Variants in LRP1B observed in about 807,000 individuals in gnomAD.
LRP1B encodes the protein LDL receptor related protein 1B, also known as low-density lipoprotein receptor-related protein 1B.
In LRP1B, 217 loss-of-function variants were observed where a neutral mutation model predicts 556.6. The ratio of observed to expected loss-of-function variants is 0.39; its 90% CI spans 0.35 to 0.44. The LOEUF (loss-of-function observed/expected upper bound fraction) is 0.44, where lower values mean the gene tolerates loss of function less well. Among genes scored for constraint, LRP1B ranks in the 20% least tolerant of loss-of-function variants. The pLI, the probability that LRP1B is intolerant of heterozygous loss-of-function variation, is 1.00. For synonymous variants in LRP1B, 2,047 were observed against 1,865.8 expected, an observed-to-expected ratio of 1.10 and a Z score of -2.50; for missense variants, 5,053 against 5,620.8, an observed-to-expected ratio of 0.90 and a Z score of 3.23.
At chr2:141,487,505 C>T (rs540438494) in intron 2 of LRP1B, among the ~76,000 whole-genome samples, 2 of 152,150 alleles carry the variant, frequency 1.3e-5, no homozygotes, top group Non-Finnish European at 2.9e-5. Flanking sequence ...CGAATACTCT[C>T]AAAATTATAA....
At chr2:141,060,694 A>G (rs1699310175) in intron 8 of LRP1B, among the ~76,000 whole-genome samples, 1 of 151,682 alleles carries the variant, frequency 6.6e-6, no homozygotes, top group Non-Finnish European at 1.5e-5. Flanking sequence ...TCACCCAGTA[A>G]AGATAAAATT....
At chr2:141,048,001 C>T (rs1405730677) in intron 11 of LRP1B, among the ~76,000 whole-genome samples, 33 of 151,844 alleles carry the variant, frequency 2.2e-4, no homozygotes, top group Admixed American at 2.2e-3. Context: ...CAGCTTTGAA[C>T]TTATTAATTA....
intron 67 of LRP1B, among the ~76,000 whole-genome samples, chr2:140,381,464 G>A (rs1421441969): frequency 6.6e-6 from 1 of 152,102 alleles, no homozygotes; most frequent in East Asian, 1.9e-4. Flanking sequence ...AATTAACCAG[G>A]TTTTCCATAA....
intron 2 of LRP1B, among the ~76,000 whole-genome samples, chr2:141,578,543 C>A (rs1008535440): frequency 3.3e-5 from 5 of 152,046 alleles, no homozygotes; most frequent in African/African-American, 1.2e-4. Context: ...TACCCAAAGG[C>A]CTAGTCATTG....
chr2:141,901,833 A>T (rs1262926830), intron 1 of LRP1B, among the ~76,000 whole-genome samples: 1 of 151,916 alleles, frequency 6.6e-6, no homozygotes, highest in Non-Finnish European at 1.5e-5. Context: ...GCAACATAAT[A>T]ATTAATCATA....
intron 35 of LRP1B, among the ~76,000 whole-genome samples, chr2:140,760,589 T>C (rs1337818881): frequency 6.6e-6 from 1 of 152,168 alleles, no homozygotes; most frequent in African/African-American, 2.4e-5. Flanking sequence ...GTTGTTGCTG[T>C]GAAACACCCA....
At chr2:141,401,855 G>A (rs114501902) in intron 3 of LRP1B, among the ~76,000 whole-genome samples, 2,381 of 152,160 alleles carry the variant, frequency 0.016, 66 homozygotes, top group African/African-American at 0.054. Context: ...TCTATGCTTT[G>A]CTGGAAAATT....
chr2:141,086,618 TTGTGTGTGTG>T (rs10608029), intron 7 of LRP1B, among the ~76,000 whole-genome samples: 5,037 of 148,106 alleles, frequency 0.034, 130 homozygotes, highest in Admixed American at 0.069. Flanking sequence ...AGTATAATAT[TTGTGTGTGTG>T]TGTGTGTGTG....
chr2:140,519,535 C>T (rs951829449), intron 49 of LRP1B, among the ~76,000 whole-genome samples: 2 of 152,120 alleles, frequency 1.3e-5, no homozygotes, highest in Admixed American at 1.3e-4. Flanking sequence ...CAATACCATT[C>T]AGGACATAGG....
chr2:141,598,363 A>T (rs561490770), intron 2 of LRP1B, among the ~76,000 whole-genome samples: 1 of 152,254 alleles, frequency 6.6e-6, no homozygotes, highest in Non-Finnish European at 1.5e-5. Context: ...AAATAAAATG[A>T]CATTAATTTT....
intron 1 of LRP1B, among the ~76,000 whole-genome samples, chr2:142,067,159 AT>A (rs1308553374): frequency 2.0e-5 from 3 of 151,422 alleles, no homozygotes; most frequent in Admixed American, 6.6e-5. Context: ...TTTAAAGGAC[AT>A]TTTTTATTAT....
intron 87 of LRP1B, among the ~76,000 whole-genome samples, chr2:140,245,682 G>A (rs146849276): frequency 2.0e-3 from 300 of 151,324 alleles, no homozygotes; most frequent in African/African-American, 6.9e-3. Flanking sequence ...AGTTATTACT[G>A]GTAGCATTAG....
chr2:140,784,346 G>A (rs568122778), intron 32 of LRP1B, among the ~76,000 whole-genome samples: 10 of 138,376 alleles, frequency 7.2e-5, no homozygotes, highest in East Asian at 2.4e-4. Context: ...CCAATGCTCC[G>A]AAGAAAGAGA....
At chr2:141,452,572 C>T (rs74741420) in intron 3 of LRP1B, among the ~76,000 whole-genome samples, 2 of 152,134 alleles carry the variant, frequency 1.3e-5, no homozygotes, top group Non-Finnish European at 2.9e-5. Flanking sequence ...AAAAAGCTAG[C>T]ATCGATTACA....
intron 6 of LRP1B, chr2:141,208,478 T>C (rs1682380385): frequency 6.6e-6 from 1 of 152,238 alleles, no homozygotes; most frequent in Non-Finnish European, 1.5e-5. Context: ...CTTGTCACAC[T>C]GCGCCACAAC....
intron 1 of LRP1B, among the ~76,000 whole-genome samples, chr2:141,940,575 T>C (rs1050036227): frequency 1.3e-5 from 2 of 152,208 alleles, no homozygotes; most frequent in South Asian, 2.1e-4. Context: ...AAATGTTGAA[T>C]ATACTTATCC....
chr2:140,827,887 C>T (rs1691563414), intron 31 of LRP1B, among the ~76,000 whole-genome samples: 2 of 151,954 alleles, frequency 1.3e-5, no homozygotes, highest in African/African-American at 4.8e-5. Flanking sequence ...AAGCAAATAA[C>T]ACATAAAGGA....
At chr2:140,256,157 G>A (rs1681666364) in intron 86 of LRP1B, among the ~76,000 whole-genome samples, 1 of 151,930 alleles carries the variant, frequency 6.6e-6, no homozygotes, top group Non-Finnish European at 1.5e-5. Context: ...TTAAATTTAA[G>A]TGCTAGTATG....
chr2:140,829,566 G>A (rs936074367), intron 31 of LRP1B, among the ~76,000 whole-genome samples: 1 of 152,042 alleles, frequency 6.6e-6, no homozygotes, highest in African/African-American at 2.4e-5. Context: ...AGGAAATTTT[G>A]AAAATTTCAT....
Sources: gnomAD v4.1 joint callset for allele counts (sites outside exome capture counted in the v4.1 genomes callset) on GRCh38, gnomAD v4.1.1 for gene constraint, MANE v1.5 for transcripts, NCBI Gene and HGNC (gene_info 2026-07-23, HGNC 2026-07-21) for gene names.